The following GPAT2 variants were observed in gnomAD, a reference collection of about 807,000 sequenced individuals.
GPAT2 encodes the protein glycerol-3-phosphate acyltransferase 2, mitochondrial.
In GPAT2, 51 loss-of-function variants were observed where a neutral mutation model predicts 71.0. That is an observed-to-expected ratio of 0.72 (90% CI 0.57 to 0.91). The LOEUF (loss-of-function observed/expected upper bound fraction) is 0.91, where lower values mean the gene tolerates loss of function less well. Ranked by LOEUF, GPAT2 falls within the 40% of genes least tolerant of loss-of-function variation. The pLI is 0.00. For missense variants in GPAT2, 511 were observed against 666.0 expected (o/e 0.77, Z 2.56); for synonymous variants, 222 against 290.3 (o/e 0.76, Z 2.39).
rs750295190 is a variant in GPAT2, at chr2:96,024,172, C to T, written c.1836+17G>A. 5.3e-5 allele frequency: 79 copies of T among 1,502,980 alleles called. 2 individuals carry two copies. The South Asian group carries it at 7.4e-4, about 14-fold the overall frequency. 93.1% of individuals were successfully genotyped at this position (1,502,980 alleles called of 1,614,324 possible). ...GGGGAAGGCCTAGGACCAAGTGGGC[C>T]GTAGGGGAGGCCTGACCTTTAGCAG... On this transcript the variant is annotated intron_variant, in intron 16 of 21. Transcript: ENST00000434632.
At chr2:96,025,254 T>G in intron 13 of GPAT2, 5 of 596,804 alleles carry the variant, frequency 8.4e-6, no homozygotes, top group Non-Finnish European at 1.4e-5. Flanking sequence ...TGCAGCCTCC[T>G]GGCCTCAGGC....
chr2:96,033,933 A>AC (rs1680841167), intron 1 of GPAT2, among the ~76,000 whole-genome samples: 1 of 149,548 alleles, frequency 6.7e-6, no homozygotes, highest in African/African-American at 2.4e-5. Context: ...GCAAACTGGC[A>AC]CCCCGAGGGC....
rs1357160557 is a variant in GPAT2, at chr2:96,021,990, T to C, written c.*169A>G. On this transcript the variant is annotated 3_prime_UTR_variant, in exon 22 of 22. Transcript: ENST00000434632. ...AGACAACTCGTCTCGTCCCCTTGTT[T>C]ATCACATCAAAGAAGGGAAAAAGCA... is the stretch of plus-strand genomic sequence containing the variant. The C allele has an allele frequency of 1.7e-5, 24 of 1,431,482 alleles. No homozygotes were observed. The highest frequency in any genetic ancestry group is 2.1e-5 in the Non-Finnish European group (23 of 1,080,728). The allele number at this position is 1,431,482 out of a possible 1,614,324, so 88.7% of individuals were successfully genotyped here.
At chr2:96,022,791 T>C in intron 20 of GPAT2, 68 bp from the exon 21 acceptor site, 2 of 1,613,898 alleles carry the variant, frequency 1.2e-6, no homozygotes, top group Non-Finnish European at 1.7e-6. Context: ...CAGGCTTCTC[T>C]CCTCTTGTTT....
Position 96,024,282 on chromosome 2 carries a change from C to T in GPAT2, c.1743G>A (p.Glu581=), listed in dbSNP as rs763103942. The change falls in exon 16 of 22, where the codon GAG becomes GAA. Residue 581 remains glutamate, a synonymous_variant. Coordinates refer to ENST00000434632, the MANE Select transcript of GPAT2 (RefSeq NM_001321527.2). ...AGRVPPQGPW[E]LQGILLLSQN... is the part of the protein sequence containing the mutation. ...GGCTCAGCAGCAATATGCCCTGCAG[C>T]TCCCAGGGCCCCTGGGGCGGCACTC... 6.4e-7 allele frequency: 1 copy of T among 1,551,392 alleles called. No individual in the cohort carries two copies. Among genetic ancestry groups the T allele is most frequent in the Non-Finnish European group, 8.7e-7 (1 of 1,145,944 alleles).
rs536429504 is a variant in GPAT2 at position 96,024,325 on chromosome 2, C to G, written c.1700G>C (p.Arg567Pro). Residue 567 changes from arginine to proline, a missense_variant, in exon 16 of 22, where the codon CGG (arginine) becomes CCG (proline). Transcript: ENST00000434632. The part of the protein sequence containing the change: ...LSEAVGACAV[R>P]GLLAGRVPPQ... ...CGGCACTCTGCCTGCCAGCAGCCCCCGCACTGCACAGGCTGGGGGCGGAGG... is the reference window on the plus strand; with the variant it reads ...CGGCACTCTGCCTGCCAGCAGCCCCGGCACTGCACAGGCTGGGGGCGGAGG... The G allele has an allele frequency of 6.3e-7, 1 of 1,582,628 alleles. No homozygotes were observed. Among genetic ancestry groups the G allele is most frequent in the East Asian group, 2.2e-5 (1 of 44,494 alleles).
At position 96,023,202 on chromosome 2, in the gene GPAT2, C is replaced by G. The variant is rs747892123; in HGVS notation, c.2071G>C (p.Asp691His). Residue 691 changes from aspartate to histidine, a missense_variant, in exon 19 of 22, where the codon GAT (aspartate) becomes CAT (histidine). This residue lies in a region of GPAT2 where 295 missense variants were observed against 305.5 expected (regional missense o/e 0.97). Coordinates refer to ENST00000434632, the MANE Select transcript of GPAT2 (RefSeq NM_001321527.2). The stretch of plus-strand genomic sequence containing the variant: ...AGGCGGCAGAGGAAAAGAAAGAAAT[C>G]TGGGCAGTGTGACTGCTGGCTGAGC... ...FRLSQQSHCP[D>H]FFLFLCRLLS... 2 of 1,604,396 alleles carry G rather than the reference C, an allele frequency of 1.2e-6. No individual in the cohort carries two copies. The highest frequency in any genetic ancestry group is 4.5e-5 in the East Asian group (2 of 44,350).
intron 2 of GPAT2, 52 bp downstream of exon 2, chr2:96,032,245 A>C (rs1354300607): frequency 6.6e-7 from 1 of 1,516,054 alleles, no homozygotes; most frequent in Admixed American, 1.8e-5. Context: ...GGGGCACAGC[A>C]GAAGGGGTGG....
rs377645171 is a variant in GPAT2, at chr2:96,024,590, C to T, written c.1524G>A (p.Arg508=). The change falls in exon 15 of 22, where the codon CGG becomes CGA. Residue 508 remains arginine, a synonymous_variant. Coordinates refer to ENST00000434632, the MANE Select transcript of GPAT2 (RefSeq NM_001321527.2). ...GGCTCAGTGAGTGCTGCAGCAGGCT[C>T]CGCAGCTGCCCAGAGAAGCCTACAT... is the stretch of plus-strand genomic sequence containing the variant. ...GFDVGFSGQL[R]SLLQHSLSLL... The T allele has an allele frequency of 6.2e-7, 1 of 1,613,742 alleles. No individual in the cohort carries two copies. The highest frequency in any genetic ancestry group is 1.3e-5 in the African/African-American group (1 of 74,916).
rs776905928 is a variant in GPAT2, at chr2:96,023,210, T to C, written c.2063A>G (p.His688Arg). 40 of 1,606,460 alleles carry C rather than the reference T, an allele frequency of 2.5e-5. No homozygotes were observed. Among genetic ancestry groups the C allele is most frequent in the Non-Finnish European group, 3.3e-5 (39 of 1,176,652 alleles). ...GAGGAAAAGAAAGAAATCTGGGCAG[T>C]GTGACTGCTGGCTGAGCTGGAGGGG... ...GRYFRLSQQS[H>R]CPDFFLFLCR... The change falls in exon 19 of 22, where the codon CAC (histidine) becomes CGC (arginine). Residue 688 changes from histidine to arginine, a missense_variant. This residue lies in a region of GPAT2 where 295 missense variants were observed against 305.5 expected (regional missense o/e 0.97). Coordinates refer to ENST00000434632, the MANE Select transcript of GPAT2 (RefSeq NM_001321527.2).
intron 6 of GPAT2, among the ~76,000 whole-genome samples, chr2:96,029,114 CTGCTCAGG>C (rs1464173805): frequency 2.0e-5 from 2 of 99,106 alleles, no homozygotes; most frequent in African/African-American, 6.8e-5. Context: ...CAACGCTGGG[CTGCTCAGG>C]TGCAAAGAGA....
Position 96,024,091 on chromosome 2 carries a change from C to A in GPAT2, c.1837-91G>T, listed in dbSNP as rs1033486318. The A allele has an allele frequency of 7.5e-6, 12 of 1,589,496 alleles. No individual in the cohort carries two copies. In the African/African-American group the frequency reaches 1.5e-4, roughly 20 times the overall value. The stretch of plus-strand genomic sequence containing the variant: ...GACCGGGCAAGGCCACACCTACTAC[C>A]CAGGAGGTTTCAGAGGTAGAGCATG... On this transcript the variant is annotated intron_variant, in intron 16 of 21. Coordinates refer to ENST00000434632, the MANE Select transcript of GPAT2 (RefSeq NM_001321527.2).
intron 21 of GPAT2, 33 bp from the exon 22 acceptor site, chr2:96,022,308 C>T (rs1244969169): frequency 3.9e-6 from 6 of 1,556,454 alleles, no homozygotes; most frequent in Middle Eastern, 2.0e-4. Flanking sequence ...TGAGTGCGCT[C>T]ACCACAGGGA....
intron 17 of GPAT2, chr2:96,023,674 G>C (rs1679998016): frequency 1.4e-6 from 1 of 709,414 alleles, no homozygotes; most frequent in African/African-American, 1.7e-5. Context: ...GAGGTGTGCA[G>C]AGAACCTCAG....
chr2:96,024,821 C>T lies in GPAT2; in HGVS notation c.1380G>A (p.Val460=), dbSNP rs1372981676. The change falls in exon 14 of 22, where the codon GTG becomes GTA. Residue 460 remains valine (V), a synonymous_variant. Transcript: ENST00000434632. Reference sequence around the variant, plus strand: ...GCGTTGCCATAATGGCCGTGCTCATCACCGCAGAGCTCCCTACACTGGCTG... The same window carrying T: ...GCGTTGCCATAATGGCCGTGCTCATTACCGCAGAGCTCCCTACACTGGCTG... ...VLSASVGSSA[V]MSTAIMATLL... The T allele has an allele frequency of 4.3e-6, 7 of 1,613,408 alleles. No homozygotes were observed. Among genetic ancestry groups the T allele is most frequent in the South Asian group, 1.1e-5 (1 of 91,068 alleles).
In GPAT2 at chr2:96,023,436, G is replaced by A; in HGVS notation, c.1919C>T (p.Pro640Leu). ...TGTGTCACAGGCTGGCCGGGAGCCT[G>A]GGGTCTAGGGGCCGTGGAGCCATTG... ...QCGLLVAEET[P>L]GSRPACDTGR... Residue 640 changes from proline (P) to leucine (L), a missense_variant, in exon 18 of 22, where the codon CCA becomes CTA. This residue lies in a region of GPAT2 where 295 missense variants were observed against 305.5 expected (regional missense o/e 0.97). Transcript: ENST00000434632. 1 of 1,613,924 alleles carries A rather than the reference G, an allele frequency of 6.2e-7. No individual in the cohort carries two copies. The highest frequency in any genetic ancestry group is 1.7e-5 in the Admixed American group (1 of 60,034).
rs753891171 is a variant in GPAT2, at chr2:96,023,026, G to A, written c.2168-3C>T. The stretch of plus-strand genomic sequence containing the variant: ...CAGCTGCTCTGTGTAGCCCAACTCT[G>A]CAGAAGAGAGAAGACCTAGACCTGG... On this transcript the variant is annotated splice_polypyrimidine_tract_variant and splice_region_variant and intron_variant, in intron 19 of 21. Coordinates refer to ENST00000434632, the MANE Select transcript of GPAT2 (RefSeq NM_001321527.2). 20 of 1,613,978 alleles carry A rather than the reference G, an allele frequency of 1.2e-5. 1 individual carries two copies. In the South Asian group the frequency reaches 2.1e-4, roughly 17 times the overall value.
In GPAT2 at chr2:96,022,262, G is replaced by C. The variant is rs767607441; in HGVS notation, c.2303C>G (p.Thr768Arg). The C allele has an allele frequency of 1.3e-6, 2 of 1,597,958 alleles. No homozygotes were observed. Among genetic ancestry groups the C allele is most frequent in the Non-Finnish European group, 1.7e-6 (2 of 1,171,764 alleles). ...TFRDLGVLQQ[T>R]PSPAGPRLHL... ...GAGCCTGGGGCCTGCAGGGCTCGGC[G>C]TCTGCTGCAGAACCTGGGCCATGGA... Residue 768 changes from threonine to arginine, a missense_variant, in exon 22 of 22, where the codon ACG becomes AGG. Thr to Arg is a moderately conservative substitution (Grantham distance 71, BLOSUM62 -1). This residue lies in a region of GPAT2 where 108 missense variants were observed against 117.6 expected (regional missense o/e 0.92). Coordinates refer to ENST00000434632, the MANE Select transcript of GPAT2 (RefSeq NM_001321527.2).
intron 18 of GPAT2, 39 bp from the exon 19 acceptor site, chr2:96,023,265 G>C (rs186163283): frequency 1.2e-6 from 2 of 1,613,696 alleles, no homozygotes; most frequent in South Asian, 1.1e-5. Context: ...GCTCCCCACC[G>C]CCTCCCTACC....
Sources: gnomAD v4.1 joint callset for allele counts (sites outside exome capture counted in the v4.1 genomes callset) on GRCh38, gnomAD v4.1.1 for gene constraint, gnomAD v4.1.1 regional missense constraint, MANE v1.5 for transcripts, NCBI Gene and HGNC (gene_info 2026-07-23, HGNC 2026-07-21) for gene names.